COL9A1: variants seen among roughly 807,000 people sequenced by gnomAD.
The protein encoded by COL9A1 is collagen type IX alpha 1 chain, also known as collagen alpha-1(IX) chain.
In COL9A1, 104 loss-of-function variants were observed where a neutral mutation model predicts 142.6. That is an observed-to-expected ratio of 0.73 (90% confidence interval 0.62 to 0.86). The LOEUF (loss-of-function observed/expected upper bound fraction) is 0.86, where lower values mean the gene tolerates loss of function less well. Ranked by LOEUF, COL9A1 falls within the 40% of genes least tolerant of loss-of-function variation. The probability of loss-of-function intolerance (pLI) is 0.00; values close to 1 mark genes in which losing one functional copy is unlikely to be tolerated. For missense variants in COL9A1, 1,210 were observed against 1,176.6 expected, an observed-to-expected ratio of 1.03 and a Z score of -0.42; for synonymous variants, 466 against 396.0, an observed-to-expected ratio of 1.18 and a Z score of -2.10.
chr6:70,298,101 C>A (rs1406158154), intron 4 of COL9A1, among the ~76,000 whole-genome samples: 1 of 152,184 alleles, frequency 6.6e-6, no homozygotes, highest in Non-Finnish European at 1.5e-5. Flanking sequence ...TCCTTGTCAA[C>A]CAGCTTTTGA....
intron 33 of COL9A1, among the ~76,000 whole-genome samples, chr6:70,237,876 G>C (rs1454723301): frequency 6.6e-6 from 1 of 152,210 alleles, no homozygotes; most frequent in Non-Finnish European, 1.5e-5. Flanking sequence ...GTCTGACTGG[G>C]TCCTCCTGGA....
chr6:70,240,460 G>A (rs1194860980), intron 32 of COL9A1, among the ~76,000 whole-genome samples: 1 of 151,990 alleles, frequency 6.6e-6, no homozygotes, highest in Non-Finnish European at 1.5e-5. Context: ...ATATGGCAAT[G>A]TTTCCTCTCT....
intron 30 of COL9A1, 64 bp from the exon 31 acceptor site, chr6:70,241,518 C>G: frequency 1.4e-6 from 2 of 1,386,652 alleles, no homozygotes; most frequent in African/African-American, 1.4e-5. Flanking sequence ...TTCAAGTGAA[C>G]CTTATTGGGT....
In COL9A1 at chr6:70,272,070, G is replaced by T. The variant is rs1437663415; in HGVS notation, c.1084C>A (p.Pro362Thr). 2 of 1,611,896 alleles carry T rather than the reference G, an allele frequency of 1.2e-6. No individual in the cohort carries two copies. The highest frequency in any genetic ancestry group is 1.3e-5 in the African/African-American group (1 of 74,860). ...RGFPGRGIPG[P>T]PGPPGTAGLP... is the part of the protein sequence containing the mutation. ...AATGATGAAGTGATACTTACAGGGG[G>T]TCCAGGAATACCACGGCCCTAAAAG... The change falls in exon 13 of 38, where the codon CCC (proline) becomes ACC (threonine). Residue 362 changes from proline to threonine, a missense_variant. By Grantham distance (38) the Pro-to-Thr change is conservative. Coordinates refer to ENST00000357250, the MANE Select transcript of COL9A1 (RefSeq NM_001851.6).
intron 19 of COL9A1, among the ~76,000 whole-genome samples, chr6:70,261,685 A>G (rs1332030251): frequency 6.6e-6 from 1 of 152,260 alleles, no homozygotes; most frequent in Non-Finnish European, 1.5e-5. Context: ...TAGGATATCC[A>G]TTTAGAATAT....
chr6:70,232,046 A>G (rs1269626875), intron 36 of COL9A1, among the ~76,000 whole-genome samples: 1 of 150,692 alleles, frequency 6.6e-6, no homozygotes, highest in Non-Finnish European at 1.5e-5. Context: ...AGAAGGAATT[A>G]GATTGTACTT....
intron 12 of COL9A1, among the ~76,000 whole-genome samples, chr6:70,272,373 C>T (rs1033744992): frequency 6.6e-6 from 1 of 151,944 alleles, no homozygotes; most frequent in African/African-American, 2.4e-5. Context: ...CATGCTTGCC[C>T]TCAGGAGAAC....
intron 5 of COL9A1, among the ~76,000 whole-genome samples, chr6:70,293,622 C>A (rs969675998): frequency 1.4e-5 from 2 of 141,338 alleles, no homozygotes; most frequent in Non-Finnish European, 1.5e-5. Flanking sequence ...CCTCCTCTCT[C>A]TCTCTCTTTC....
chr6:70,276,437 A>G (rs1396395458), intron 10 of COL9A1, among the ~76,000 whole-genome samples: 1 of 152,214 alleles, frequency 6.6e-6, no homozygotes, highest in Non-Finnish European at 1.5e-5. Flanking sequence ...ATAACTGACA[A>G]GATTGGAGGA....
intron 16 of COL9A1, 57 bp from the exon 17 acceptor site, chr6:70,268,917 G>A: frequency 1.4e-6 from 2 of 1,471,130 alleles, no homozygotes; most frequent in Non-Finnish European, 1.9e-6. Flanking sequence ...CATAAACTAG[G>A]ACTCCCGCTT....
At chr6:70,228,062 T>C (rs1562288424) in intron 36 of COL9A1, among the ~76,000 whole-genome samples, 2 of 152,122 alleles carry the variant, frequency 1.3e-5, no homozygotes, top group South Asian at 4.1e-4. Flanking sequence ...TCACTAAATA[T>C]CTTTTTTATA....
chr6:70,281,751 AGTTGTGGAAAAGGAAGG>A (rs1773181552), intron 7 of COL9A1, among the ~76,000 whole-genome samples: 2 of 152,042 alleles, frequency 1.3e-5, no homozygotes, highest in African/African-American at 4.8e-5. Context: ...ACCCAGGAGG[AGTTGTGGAAAAGGAAGG>A]GTCTAACGCC....
In COL9A1 at chr6:70,256,727, A is replaced by G. The variant is rs1771321343; in HGVS notation, c.1503+41T>C. 5.0e-6 allele frequency: 8 copies of G among 1,607,424 alleles called. No individual in the cohort carries two copies. In the South Asian group the frequency reaches 7.7e-5, roughly 16 times the overall value. ...ACACATGCATACATAGCAAAAAAAA[A>G]AAAATCTATCATTGGGTTTTGTGGA... On this transcript the variant is annotated intron_variant, in intron 21 of 37. Coordinates refer to ENST00000357250, the MANE Select transcript of COL9A1 (RefSeq NM_001851.6).
intron 14 of COL9A1, among the ~76,000 whole-genome samples, chr6:70,270,744 G>A (rs1490354617): frequency 6.6e-6 from 1 of 152,210 alleles, no homozygotes; most frequent in Non-Finnish European, 1.5e-5. Flanking sequence ...GCTAACCAGT[G>A]CAAAAGAAGG....
At chr6:70,267,733 C>T (rs961261390) in intron 17 of COL9A1, among the ~76,000 whole-genome samples, 2 of 152,210 alleles carry the variant, frequency 1.3e-5, no homozygotes, top group East Asian at 1.9e-4. Context: ...GTCCTAAGCA[C>T]GTGTGTGCTT....
chr6:70,240,682 AT>A lies in COL9A1; in HGVS notation c.2079+6del, dbSNP rs1287491867. On this transcript the variant is annotated splice_donor_region_variant and intron_variant, in intron 32 of 37. Transcript: ENST00000357250. The stretch of plus-strand genomic sequence containing the variant: ...CTTCATCATTAACCAGAAAAAAAAA[AT>A]CTTACAAGTTCCCCCCTTTCTCCTG... The A allele has an allele frequency of 4.3e-6, 7 of 1,611,016 alleles. No individual in the cohort carries two copies. Among genetic ancestry groups the A allele is most frequent in the Non-Finnish European group, 5.9e-6 (7 of 1,177,918 alleles).
intron 5 of COL9A1, among the ~76,000 whole-genome samples, chr6:70,286,045 C>CAA (rs1409779638): frequency 6.6e-6 from 1 of 152,138 alleles, no homozygotes; most frequent in East Asian, 1.9e-4. Flanking sequence ...CCCACCACCA[C>CAA]ACCCAGCTAA....
chr6:70,264,388 T>C (rs778743186), intron 18 of COL9A1, among the ~76,000 whole-genome samples: 18 of 151,862 alleles, frequency 1.2e-4, no homozygotes, highest in Non-Finnish European at 2.1e-4. Flanking sequence ...ATTATGAGAG[T>C]CATACATATT....
chr6:70,275,292 T>C (rs1400218016), intron 10 of COL9A1: 3 of 154,048 alleles, frequency 1.9e-5, no homozygotes, highest in East Asian at 1.9e-4. Flanking sequence ...TATTGCCTTA[T>C]AGCCACTAAC....
Sources: allele counts gnomAD v4.1 joint callset (sites outside exome capture counted in the v4.1 genomes callset), GRCh38; gene constraint gnomAD v4.1.1; transcripts MANE v1.5; gene names NCBI Gene and HGNC (gene_info 2026-07-23, HGNC 2026-07-21).